The following DLG2 variants were observed in gnomAD, a reference collection of about 807,000 sequenced individuals.
The protein encoded by DLG2 is disks large homolog 2.
DLG2 carries 45 observed loss-of-function variants against 132.5 expected under a neutral mutation model. The ratio of observed to expected loss-of-function variants is 0.34; its 90% CI spans 0.27 to 0.44. The LOEUF is 0.44. DLG2 is among the 20% of genes least tolerant of loss of function. DLG2 has a pLI of 1.00. For missense variants in DLG2, 1,045 were observed against 1,196.9 expected (o/e 0.87, Z 1.87); for synonymous variants, 424 against 419.6 (o/e 1.01, Z -0.13).
At chr11:84,218,394 G>GGA (rs1566963762) in intron 8 of DLG2, among the ~76,000 whole-genome samples, 1 of 21,400 alleles carries the variant, frequency 4.7e-5, no homozygotes, top group African/African-American at 5.2e-5. Context: ...GGGAGGGAGG[G>GGA]AGGGAGGAAG....
rs569714360 is a variant in DLG2, at chr11:85,046,891, G to A, written c.357+64770C>T. On this transcript the variant is annotated intron_variant, in intron 6 of 27. Coordinates refer to ENST00000376104, the MANE Select transcript of DLG2 (RefSeq NM_001142699.3). The stretch of plus-strand genomic sequence containing the variant: ...TCCTTTTCTTGAAGAGTCACAATGC[G>A]TCTTGGCATATTAGATGCACTGAGA... Among the ~76,000 whole-genome samples, 9 of 151,602 alleles carry A rather than the reference G, an allele frequency of 5.9e-5. No homozygotes were observed. In the East Asian group the frequency reaches 1.2e-3, roughly 20 times the overall value.
At chr11:85,360,040 G>A (rs944262530) in intron 3 of DLG2, among the ~76,000 whole-genome samples, 3 of 152,154 alleles carry the variant, frequency 2.0e-5, no homozygotes, top group African/African-American at 7.2e-5. Context: ...GGCGTGTGCT[G>A]AAGCAGAGCG....
At chr11:84,225,938 G>A (rs1263690273) in intron 8 of DLG2, among the ~76,000 whole-genome samples, 2 of 151,964 alleles carry the variant, frequency 1.3e-5, no homozygotes, top group African/African-American at 4.8e-5. Flanking sequence ...AGCCTAACAA[G>A]TAGCTGGGAT....
intron 6 of DLG2, among the ~76,000 whole-genome samples, chr11:84,649,987 C>T (rs556051092): frequency 1.4e-4 from 21 of 152,268 alleles, no homozygotes; most frequent in African/African-American, 5.1e-4. Flanking sequence ...TTCTTTGAGT[C>T]CATAATATAA....
intron 18 of DLG2, among the ~76,000 whole-genome samples, chr11:83,641,051 C>T (rs115663269): frequency 0.01 from 1,584 of 152,184 alleles, 28 homozygotes; most frequent in African/African-American, 0.035. Flanking sequence ...TCTGAATATC[C>T]AAGAGAGTGT....
chr11:85,162,251 C>T (rs2078090074), intron 4 of DLG2, among the ~76,000 whole-genome samples: 1 of 152,158 alleles, frequency 6.6e-6, no homozygotes, highest in Non-Finnish European at 1.5e-5. Flanking sequence ...TAGGGCCTCT[C>T]TTAGTATTAC....
At chr11:84,341,790 G>A (rs2098516266) in intron 7 of DLG2, among the ~76,000 whole-genome samples, 1 of 152,238 alleles carries the variant, frequency 6.6e-6, no homozygotes, top group Non-Finnish European at 1.5e-5. Context: ...TGGAGGCACA[G>A]AGCCACAGAA....
chr11:84,402,091 C>G (rs1363531460), intron 7 of DLG2, among the ~76,000 whole-genome samples: 1 of 152,166 alleles, frequency 6.6e-6, no homozygotes, highest in African/African-American at 2.4e-5. Context: ...AGCCATGCCT[C>G]TCTCTAATCC....
intron 7 of DLG2, among the ~76,000 whole-genome samples, chr11:84,265,007 T>C (rs1485735032): frequency 6.6e-6 from 1 of 152,176 alleles, no homozygotes; most frequent in Non-Finnish European, 1.5e-5. Flanking sequence ...TTGAATATCA[T>C]AAAAGTAGTA....
intron 10 of DLG2, among the ~76,000 whole-genome samples, chr11:84,064,363 T>A (rs1269294732): frequency 1.3e-5 from 2 of 152,202 alleles, no homozygotes; most frequent in African/African-American, 4.8e-5. Flanking sequence ...TATGTTTCTT[T>A]CAAATGTTTT....
chr11:84,732,228 C>A (rs1360707054), intron 6 of DLG2, among the ~76,000 whole-genome samples: 1 of 152,030 alleles, frequency 6.6e-6, no homozygotes, highest in Non-Finnish European at 1.5e-5. Flanking sequence ...TATATAGCTG[C>A]TACGAATATC....
intron 19 of DLG2, among the ~76,000 whole-genome samples, chr11:83,546,047 A>T (rs1214432739): frequency 1.3e-5 from 2 of 152,116 alleles, no homozygotes; most frequent in Non-Finnish European, 2.9e-5. Context: ...GACAAATAGA[A>T]TTGGACATGA....
intron 4 of DLG2, among the ~76,000 whole-genome samples, chr11:85,171,803 G>A (rs1434235648): frequency 6.6e-6 from 1 of 152,230 alleles, no homozygotes; most frequent in African/African-American, 2.4e-5. Flanking sequence ...AGGCTGTCTG[G>A]ACTGGAAGGA....
At chr11:83,898,848 T>C (rs1596128936) in intron 15 of DLG2, among the ~76,000 whole-genome samples, 1 of 152,310 alleles carries the variant, frequency 6.6e-6, no homozygotes, top group East Asian at 1.9e-4. Context: ...ACTGCACTTA[T>C]CTACTTATTT....
At chr11:84,684,768 G>T (rs1305348542) in intron 6 of DLG2, among the ~76,000 whole-genome samples, 1 of 152,086 alleles carries the variant, frequency 6.6e-6, no homozygotes, top group Non-Finnish European at 1.5e-5. Flanking sequence ...GCAAGGCCTG[G>T]CATATAATCG....
At chr11:84,525,530 A>G (rs879370203) in intron 7 of DLG2, among the ~76,000 whole-genome samples, 34 of 152,176 alleles carry the variant, frequency 2.2e-4, no homozygotes, top group Non-Finnish European at 4.0e-4. Context: ...CAACCCCAAT[A>G]CCTCTGCTTT....
chr11:83,700,391 T>C (rs1291008002), intron 18 of DLG2, among the ~76,000 whole-genome samples: 1 of 152,184 alleles, frequency 6.6e-6, no homozygotes, highest in African/African-American at 2.4e-5. Context: ...GAGGCTATGA[T>C]GACCTTCTGG....
chr11:84,881,961 T>C (rs1199403056), intron 6 of DLG2, among the ~76,000 whole-genome samples: 1 of 152,142 alleles, frequency 6.6e-6, no homozygotes, highest in Admixed American at 6.6e-5. Context: ...AAGTTCTTAA[T>C]ATACTTTCAA....
At chr11:85,238,159 G>C (rs1204195310) in intron 4 of DLG2, among the ~76,000 whole-genome samples, 1 of 150,136 alleles carries the variant, frequency 6.7e-6, no homozygotes, top group African/African-American at 2.4e-5. Flanking sequence ...ATTGGTCAGA[G>C]GCTGCTTTTC....
Sources: gnomAD v4.1 joint callset for allele counts (sites outside exome capture counted in the v4.1 genomes callset) on GRCh38, gnomAD v4.1.1 for gene constraint, MANE v1.5 for transcripts, NCBI Gene and HGNC (gene_info 2026-07-23, HGNC 2026-07-21) for gene names.